The following JMJD1C variants were observed in gnomAD, a reference collection of about 807,000 sequenced individuals.
JMJD1C encodes jumonji domain-containing protein 1C.
In JMJD1C, 31 loss-of-function variants were observed where a neutral mutation model predicts 245.3. That is an observed-to-expected ratio of 0.13 (90% CI 0.09 to 0.17). The LOEUF (loss-of-function observed/expected upper bound fraction) is 0.17, where lower values mean the gene tolerates loss of function less well. Among genes scored for constraint, JMJD1C ranks in the 10% least tolerant of loss-of-function variants. JMJD1C has a pLI of 1.00. For synonymous variants in JMJD1C, 1,057 were observed against 1,017.4 expected (o/e 1.04, Z -0.74); for missense variants, 2,691 against 3,000.2 (o/e 0.90, Z 2.41).
At chr10:63,276,419 C>CCCCG (rs961210242) in intron 2 of JMJD1C, among the ~76,000 whole-genome samples, 4 of 148,780 alleles carry the variant, frequency 2.7e-5, no homozygotes, top group Admixed American at 1.3e-4. Flanking sequence ...TGAGCCGAGA[C>CCCCG]CCCGCCACTG....
At chr10:63,248,298 C>T (rs190149457) in intron 3 of JMJD1C, among the ~76,000 whole-genome samples, 40 of 151,596 alleles carry the variant, frequency 2.6e-4, no homozygotes, top group African/African-American at 9.7e-4. Context: ...GTTGCTAACA[C>T]AGGGAAGTTT....
upstream of JMJD1C, among the ~76,000 whole-genome samples, chr10:63,470,405 G>A (rs565118600): frequency 1.3e-5 from 2 of 152,192 alleles, no homozygotes; most frequent in East Asian, 1.9e-4. Flanking sequence ...TCAAAATAAT[G>A]TCTTATGTAC....
intron 2 of JMJD1C, among the ~76,000 whole-genome samples, chr10:63,319,116 CG>C (rs1564780897): frequency 6.6e-6 from 1 of 151,690 alleles, no homozygotes; most frequent in African/African-American, 2.4e-5. Context: ...AAAAATTAGC[CG>C]GGTGTGGTGG....
intron 1 of JMJD1C, chr10:63,521,606 C>T: frequency 2.2e-6 from 3 of 1,389,938 alleles, no homozygotes; most frequent in South Asian, 1.6e-5. Flanking sequence ...GCCCTGCAGC[C>T]GGCGCGAGGC....
chr10:63,237,331 C>A (rs750724401), intron 3 of JMJD1C, among the ~76,000 whole-genome samples: 37 of 137,932 alleles, frequency 2.7e-4, no homozygotes, highest in Admixed American at 4.4e-4. Flanking sequence ...AGCCACTGTG[C>A]CTCGCCAAAC....
At chr10:63,206,142 T>C (rs925911684) in intron 10 of JMJD1C, among the ~76,000 whole-genome samples, 2 of 152,120 alleles carry the variant, frequency 1.3e-5, no homozygotes, top group African/African-American at 4.8e-5. Context: ...ACTGTAACTA[T>C]CTTCTAGAAA....
At chr10:63,181,914 G>A (rs1324661297) in intron 22 of JMJD1C, among the ~76,000 whole-genome samples, 1 of 152,194 alleles carries the variant, frequency 6.6e-6, no homozygotes, top group Non-Finnish European at 1.5e-5. Context: ...AATAACTCAA[G>A]TGTGCCCACT....
chr10:63,192,188 G>T (rs576961246), intron 16 of JMJD1C, among the ~76,000 whole-genome samples: 1 of 149,294 alleles, frequency 6.7e-6, no homozygotes, highest in Admixed American at 6.7e-5. Flanking sequence ...GGAAGACGAG[G>T]TAGACTGCTT....
chr10:63,313,027 G>A (rs1939439850), intron 2 of JMJD1C, among the ~76,000 whole-genome samples: 1 of 152,066 alleles, frequency 6.6e-6, no homozygotes, highest in Non-Finnish European at 1.5e-5. Context: ...TGATTTGTGG[G>A]ATTTTGGTGC....
In JMJD1C at chr10:63,474,869, G is replaced by T. The variant is rs182567229; in HGVS notation, n.113+46869C>A. On this transcript the variant is annotated intron_variant and non_coding_transcript_variant, in intron 1 of 3. Transcript: ENST00000633035. ...CTCTCAAATTATTAAAAAAAAAAAA[G>T]AATGAGTAATAATGTAATACGGAAA... Among the ~76,000 whole-genome samples, 27 of 149,108 alleles carry T rather than the reference G, an allele frequency of 1.8e-4. No individual in the cohort carries two copies. In the East Asian group the frequency reaches 5.4e-3, roughly 30 times the overall value.
chr10:63,244,115 G>A (rs1025063879), intron 3 of JMJD1C, among the ~76,000 whole-genome samples: 3 of 152,172 alleles, frequency 2.0e-5, no homozygotes, highest in Admixed American at 6.5e-5. Flanking sequence ...AAGCAGAGAA[G>A]GACTACCATC....
At chr10:63,381,158 A>C (rs565037114) in intron 1 of JMJD1C, among the ~76,000 whole-genome samples, 15 of 152,328 alleles carry the variant, frequency 9.8e-5, no homozygotes, top group Non-Finnish European at 2.1e-4. Flanking sequence ...ATATGAAGTA[A>C]GCCAGGTACA....
chr10:63,516,196 T>C (rs1273459177), intron 1 of JMJD1C, among the ~76,000 whole-genome samples: 2 of 143,504 alleles, frequency 1.4e-5, no homozygotes, highest in Non-Finnish European at 3.0e-5. Context: ...TTAGACTAAA[T>C]ATCTATTAAT....
intron 1 of JMJD1C, among the ~76,000 whole-genome samples, chr10:63,416,987 G>A (rs1198130662): frequency 1.3e-5 from 2 of 152,136 alleles, no homozygotes; most frequent in African/African-American, 4.8e-5. Context: ...GGGTCACTAA[G>A]AATACAGAAT....
chr10:63,399,561 A>C (rs553985182), intron 1 of JMJD1C, among the ~76,000 whole-genome samples: 1 of 152,272 alleles, frequency 6.6e-6, no homozygotes, highest in Non-Finnish European at 1.5e-5. Context: ...CAACAACATA[A>C]ACTCATTTAC....
At chr10:63,474,016 C>T (rs1953577612) in intron 1 of JMJD1C, among the ~76,000 whole-genome samples, 1 of 151,540 alleles carries the variant, frequency 6.6e-6, no homozygotes, top group Non-Finnish European at 1.5e-5. Flanking sequence ...GCACTCCAGC[C>T]TAGGTGACAA....
chr10:63,256,262 C>T (rs544256127), intron 3 of JMJD1C, among the ~76,000 whole-genome samples: 57 of 152,224 alleles, frequency 3.7e-4, no homozygotes, highest in Non-Finnish European at 7.1e-4. Flanking sequence ...CATCAAGTTT[C>T]GCAACCAATT....
At chr10:63,433,910 A>AC (rs1016352474) in intron 1 of JMJD1C, among the ~76,000 whole-genome samples, 1 of 151,772 alleles carries the variant, frequency 6.6e-6, no homozygotes, top group African/African-American at 2.4e-5. Context: ...TCCAAAAAAA[A>AC]AAAAAAGGGA....
At chr10:63,442,023 TA>T (rs1313560380) in intron 1 of JMJD1C, among the ~76,000 whole-genome samples, 7 of 152,316 alleles carry the variant, frequency 4.6e-5, no homozygotes, top group African/African-American at 1.4e-4. Flanking sequence ...ACTACACATC[TA>T]AGGTATTAAA....
Sources: gnomAD v4.1 joint callset for allele counts (sites outside exome capture counted in the v4.1 genomes callset) on GRCh38, gnomAD v4.1.1 for gene constraint, MANE v1.5 for transcripts, NCBI Gene and HGNC (gene_info 2026-07-23, HGNC 2026-07-21) for gene names.